ABL1: variants seen among roughly 807,000 people sequenced by gnomAD.
ABL1 encodes the protein ABL proto-oncogene 1, non-receptor tyrosine kinase, also known as tyrosine-protein kinase ABL1.
A neutral mutation model predicts 94.7 loss-of-function variants in ABL1; 11 were observed. The ratio of observed to expected loss-of-function variants is 0.12; its 90% CI spans 0.07 to 0.19. The LOEUF is 0.19. Among genes scored for constraint, ABL1 ranks in the 10% least tolerant of loss-of-function variants. ABL1 has a pLI of 1.00. For missense variants in ABL1, 1,082 were observed against 1,489.4 expected, an observed-to-expected ratio of 0.73 and a Z score of 4.50; for synonymous variants, 656 against 622.4, an observed-to-expected ratio of 1.05 and a Z score of -0.80.
chr9:130,785,916 C>CT (rs1312148547), intron 1 of ABL1, among the ~76,000 whole-genome samples: 2 of 125,156 alleles, frequency 1.6e-5, no homozygotes, highest in African/African-American at 6.4e-5. Context: ...TTCTGGAACT[C>CT]TGTCTCAAAA....
chr9:130,880,247 A>C lies in ABL1; in HGVS notation c.1513+90A>C. On this transcript the variant is annotated intron_variant, in intron 9 of 10. Coordinates refer to ENST00000318560, the MANE Select transcript of ABL1 (RefSeq NM_005157.6). The surrounding 1 kb of genome is among the most constrained non-coding windows in gnomAD (Gnocchi z 4.4). ...GGGTCATTCGGTTCACTTCCTGGTG[A>C]AAGTTCACAGACCAGCCTGTCCTGA... is the stretch of plus-strand genomic sequence containing the variant. The C allele has an allele frequency of 7.1e-7, 1 of 1,402,554 alleles. No individual in the cohort carries two copies. Among genetic ancestry groups the C allele is most frequent in the Non-Finnish European group, 1.0e-6 (1 of 990,110 alleles). 86.9% of individuals were successfully genotyped at this position (1,402,554 alleles called of 1,614,324 possible).
At chr9:130,743,762 C>G (rs1831849345) in intron 1 of ABL1, among the ~76,000 whole-genome samples, 1 of 152,070 alleles carries the variant, frequency 6.6e-6, no homozygotes, top group Non-Finnish European at 1.5e-5. Context: ...CAGGCACAAG[C>G]TTTGTGGGGG....
In ABL1 at chr9:130,835,399, A is replaced by T; in HGVS notation, c.-48A>T. The stretch of plus-strand genomic sequence containing the variant: ...AGCCGGGCCTGAGCCGGGCCCGCGG[A>T]CCGAGCTGGGAGAGGGGTTCCGGCC... On this transcript the variant is annotated 5_prime_UTR_variant, in exon 1 of 11. Transcript: ENST00000318560. The surrounding 1 kb of genome is among the most constrained non-coding windows in gnomAD (Gnocchi z 4.6). 7 of 1,364,788 alleles carry T rather than the reference A, an allele frequency of 5.1e-6. No individual in the cohort carries two copies. The highest frequency in any genetic ancestry group is 5.9e-6 in the Non-Finnish European group (6 of 1,021,524). The allele number at this position is 1,364,788 out of a possible 1,614,324, so 84.5% of individuals were successfully genotyped here.
intron 1 of ABL1, among the ~76,000 whole-genome samples, chr9:130,746,088 ACTTAC>A (rs1048833632): frequency 3.3e-5 from 5 of 152,196 alleles, no homozygotes; most frequent in African/African-American, 9.7e-5. Flanking sequence ...TCAGCTGCTC[ACTTAC>A]TAACAGTATG....
In ABL1 at chr9:130,859,386, C is replaced by G. The variant is rs577228963; in HGVS notation, c.550-3377C>G. 1.4e-4 allele frequency among the ~76,000 whole-genome samples: 21 copies of G among 152,294 alleles called. No homozygotes were observed. The South Asian group carries it at 3.9e-3, about 29-fold the overall frequency. On this transcript the variant is annotated intron_variant, in intron 3 of 10. Coordinates refer to ENST00000318560, the MANE Select transcript of ABL1 (RefSeq NM_005157.6). ...AGCCTCTTAGATGTTTAAGGTTTACCCGCCCTGACAGTGGCTCAGCAGGCG... is the reference window on the plus strand; with the variant it reads ...AGCCTCTTAGATGTTTAAGGTTTACGCGCCCTGACAGTGGCTCAGCAGGCG...
intron 1 of ABL1, among the ~76,000 whole-genome samples, chr9:130,771,693 TAA>T (rs796609456): frequency 7.2e-5 from 11 of 151,920 alleles, no homozygotes; most frequent in African/African-American, 2.2e-4. Context: ...GTACCCAGCC[TAA>T]GAGAAGCTGC....
chr9:130,713,873 A>C (rs538666682), exon 1 of ABL1: 16 of 230,384 alleles, frequency 6.9e-5, no homozygotes, highest in Middle Eastern at 1.3e-3. Flanking sequence ...GAAGAAGCTA[A>C]GATAGGGGGT....
chr9:130,797,305 A>G (rs577557330), intron 1 of ABL1, among the ~76,000 whole-genome samples: 1 of 148,560 alleles, frequency 6.7e-6, no homozygotes, highest in East Asian at 2.1e-4. Context: ...TTCTATCGTA[A>G]GATTTATTCT....
intron 1 of ABL1, among the ~76,000 whole-genome samples, chr9:130,815,640 T>A (rs1463601107): frequency 2.0e-5 from 3 of 152,184 alleles, no homozygotes; most frequent in Non-Finnish European, 2.9e-5. Flanking sequence ...TTCTTCTCCC[T>A]ACAGCAGCCA....
chr9:130,859,646 C>G (rs1172217529), intron 3 of ABL1, among the ~76,000 whole-genome samples: 2 of 134,216 alleles, frequency 1.5e-5, no homozygotes, highest in Non-Finnish European at 3.1e-5. Context: ...GTGTGGCTGT[C>G]AAAAGAAACG....
At chr9:130,791,287 T>C (rs902148314) in intron 1 of ABL1, among the ~76,000 whole-genome samples, 2 of 152,126 alleles carry the variant, frequency 1.3e-5, no homozygotes, top group African/African-American at 4.8e-5. Context: ...GATCTAGAAT[T>C]GTGTAGCCAT....
chr9:130,726,496 C>T (rs1831587815), intron 1 of ABL1, among the ~76,000 whole-genome samples: 1 of 152,150 alleles, frequency 6.6e-6, no homozygotes, highest in Admixed American at 6.5e-5. Context: ...TTTTTTCTCT[C>T]TGTTTCTCTC....
chr9:130,880,146 G>A lies in ABL1; in HGVS notation c.1502G>A (p.Ser501Asn), dbSNP rs1182652234. The A allele has an allele frequency of 1.2e-6, 2 of 1,614,152 alleles. No individual in the cohort carries two copies. Among genetic ancestry groups the A allele is most frequent in the Non-Finnish European group, 8.5e-7 (1 of 1,180,026 alleles). The change falls in exon 9 of 11, where the codon AGT (serine) becomes AAT (asparagine). Residue 501 changes from serine to asparagine, a missense_variant. Transcript: ENST00000318560. The surrounding 1 kb of genome is among the most constrained non-coding windows in gnomAD (Gnocchi z 4.4). ...QAFETMFQES[S>N]ISDEVEKELG... ...TTTGAAACAATGTTCCAGGAATCCA[G>A]TATCTCAGACGGTAAAGTACCCATC...
rs954189153 is a variant in ABL1 at position 130,814,761 on chromosome 9, C to A, written c.137-39303C>A. Among the ~76,000 whole-genome samples the A allele has an allele frequency of 6.6e-6, 1 of 152,150 alleles. No individual in the cohort carries two copies. The highest frequency in any genetic ancestry group is 2.4e-5 in the African/African-American group (1 of 41,440). ...GCGTGGTGGCGGGCGCCTGTAGTCC[C>A]AGCTACTCAGGAGGCTGAGGCAGGA... On this transcript the variant is annotated intron_variant, in intron 1 of 10. Coordinates refer to the ABL1 transcript ENST00000372348. The surrounding 1 kb of genome is among the most constrained non-coding windows in gnomAD (Gnocchi z 4.4).
intron 1 of ABL1, among the ~76,000 whole-genome samples, chr9:130,721,244 G>A (rs890543519): frequency 2.6e-5 from 4 of 151,756 alleles, no homozygotes; most frequent in African/African-American, 9.7e-5. Context: ...TCGGCATGGT[G>A]GCACACACCT....
At chr9:130,882,648 C>T (rs1480582244) in intron 10 of ABL1, among the ~76,000 whole-genome samples, 1 of 152,076 alleles carries the variant, frequency 6.6e-6, no homozygotes, top group Admixed American at 6.5e-5. Flanking sequence ...GATTCTCCTG[C>T]CTCATCCTCC....
chr9:130,730,169 G>A (rs1831645303), intron 1 of ABL1, among the ~76,000 whole-genome samples: 1 of 151,098 alleles, frequency 6.6e-6, no homozygotes, highest in African/African-American at 2.4e-5. Context: ...TCAGCCTCCC[G>A]AGTAGCTGGA....
In ABL1 at chr9:130,880,691, A is replaced by G. The variant is rs2133025054; in HGVS notation, c.1678+27A>G. 2 of 1,609,450 alleles carry G rather than the reference A, an allele frequency of 1.2e-6. No individual in the cohort carries two copies. The highest frequency in any genetic ancestry group is 1.1e-5 in the South Asian group (1 of 90,792). On this transcript the variant is annotated intron_variant, in intron 10 of 10. Coordinates refer to ENST00000318560, the MANE Select transcript of ABL1 (RefSeq NM_005157.6). This position sits in a 1 kb window ranked among gnomAD's most constrained non-coding sequence, Gnocchi z 4.4. Reference sequence around the variant, plus strand: ...TAAGTCCCCCGCTTCCCCCAACCCCACTGCTCTTCCCTTCCCTGCCAGAGG... The same window carrying G: ...TAAGTCCCCCGCTTCCCCCAACCCCGCTGCTCTTCCCTTCCCTGCCAGAGG...
Position 130,880,286 on chromosome 9 carries a change from G to A in ABL1, c.1513+129G>A. ...AGCCTGTCCTGAGACCAGAAAGCTG[G>A]GCAGAGGTGTGGAGTATTGTGCTTT... On this transcript the variant is annotated intron_variant, in intron 9 of 10. Coordinates refer to ENST00000318560, the MANE Select transcript of ABL1 (RefSeq NM_005157.6). This position sits in a 1 kb window ranked among gnomAD's most constrained non-coding sequence, Gnocchi z 4.4. The A allele has an allele frequency of 5.2e-6, 6 of 1,163,446 alleles. No homozygotes were observed. The highest frequency in any genetic ancestry group is 7.6e-6 in the Non-Finnish European group (6 of 789,990). 72.1% of individuals were successfully genotyped at this position (1,163,446 alleles called of 1,614,324 possible).
Sources: allele counts gnomAD v4.1 joint callset (sites outside exome capture counted in the v4.1 genomes callset), GRCh38; gene constraint gnomAD v4.1.1; non-coding constraint Gnocchi (gnomAD v3.1); transcripts MANE v1.5; gene names NCBI Gene and HGNC (gene_info 2026-07-23, HGNC 2026-07-21).